PRELID2: variants seen among roughly 807,000 people sequenced by gnomAD.
The protein encoded by PRELID2 is PRELI domain containing 2.
A neutral mutation model predicts 28.4 loss-of-function variants in PRELID2; 25 were observed. The ratio of observed to expected loss-of-function variants is 0.88; its 90% CI spans 0.64 to 1.23. The LOEUF is 1.23. PRELID2 is among the 50% of genes most tolerant of loss of function. The pLI, the probability that PRELID2 is intolerant of heterozygous loss-of-function variation, is 0.00. For synonymous variants in PRELID2, 76 were observed against 71.6 expected, an observed-to-expected ratio of 1.06 and a Z score of -0.31; for missense variants, 201 against 214.4, an observed-to-expected ratio of 0.94 and a Z score of 0.39.
At chr5:145,720,620 G>C (rs1452802920) in intron 1 of PRELID2, among the ~76,000 whole-genome samples, 2 of 151,950 alleles carry the variant, frequency 1.3e-5, no homozygotes, top group Non-Finnish European at 2.9e-5. Flanking sequence ...ACTACTAAAG[G>C]ACTAGTTTCA....
chr5:145,530,138 G>A (rs1227789266), intron 1 of PRELID2, among the ~76,000 whole-genome samples: 2 of 152,126 alleles, frequency 1.3e-5, no homozygotes, highest in Non-Finnish European at 1.5e-5. Context: ...CATACAGCAA[G>A]TGAGTAACTC....
At chr5:145,375,149 C>A in the PRELID2 span, among the ~76,000 whole-genome samples, 2 of 152,032 alleles carry the variant, frequency 1.3e-5, no homozygotes, top group African/African-American at 4.8e-5. Flanking sequence ...GATGCTGACC[C>A]TTGAATGCAG....
chr5:145,389,756 T>C, the PRELID2 span, among the ~76,000 whole-genome samples: 3 of 152,198 alleles, frequency 2.0e-5, no homozygotes, highest in Non-Finnish European at 4.4e-5. Flanking sequence ...ACTTTGTCTC[T>C]GAAATTTAAA....
At chr5:145,521,724 G>A (rs1054640215) in intron 1 of PRELID2, among the ~76,000 whole-genome samples, 1 of 152,108 alleles carries the variant, frequency 6.6e-6, no homozygotes, top group African/African-American at 2.4e-5. Context: ...GCACTGTGTA[G>A]GGCAGAGAAA....
intron 1 of PRELID2, among the ~76,000 whole-genome samples, chr5:145,535,721 T>C (rs549563791): frequency 3.3e-5 from 5 of 152,028 alleles, no homozygotes; most frequent in African/African-American, 9.6e-5. Context: ...AAGAAGATCT[T>C]GCTCTAAAGA....
intron 1 of PRELID2, among the ~76,000 whole-genome samples, chr5:145,494,170 A>G (rs1468214015): frequency 6.6e-6 from 1 of 152,202 alleles, no homozygotes; most frequent in East Asian, 1.9e-4. Flanking sequence ...ATGTCCTAAC[A>G]TTAGCAGATG....
the PRELID2 span, among the ~76,000 whole-genome samples, chr5:145,357,126 T>C: frequency 1.3e-5 from 2 of 152,194 alleles, no homozygotes; most frequent in Non-Finnish European, 2.9e-5. Context: ...CTGATGGGGT[T>C]CCCTTTGTAG....
At chr5:145,795,200 T>C (rs1315737114) in intron 5 of PRELID2, 3 of 152,156 alleles carry the variant, frequency 2.0e-5, no homozygotes, top group Non-Finnish European at 2.9e-5. Flanking sequence ...ATTTTTAGAA[T>C]GCAATGCTGC....
chr5:145,713,577 C>T (rs1267940240), intron 1 of PRELID2, among the ~76,000 whole-genome samples: 1 of 134,746 alleles, frequency 7.4e-6, no homozygotes, highest in East Asian at 2.1e-4. Context: ...TATATATATA[C>T]ACTAAAGTAT....
chr5:145,427,545 C>T, the PRELID2 span, among the ~76,000 whole-genome samples: 12 of 152,252 alleles, frequency 7.9e-5, no homozygotes, highest in Admixed American at 5.9e-4. Flanking sequence ...GAGAGAGATT[C>T]GCTTATTCAA....
chr5:145,804,566 T>C (rs1307022515), intron 4 of PRELID2, among the ~76,000 whole-genome samples: 1 of 152,174 alleles, frequency 6.6e-6, no homozygotes, highest in Admixed American at 6.5e-5. Flanking sequence ...CATAGCCTAT[T>C]GTGGTAAAGC....
intron 1 of PRELID2, among the ~76,000 whole-genome samples, chr5:145,517,257 C>A (rs1035740527): frequency 4.6e-5 from 7 of 151,704 alleles, no homozygotes; most frequent in Non-Finnish European, 8.8e-5. Context: ...GGGCTAATAT[C>A]CAGAATCTAC....
At chr5:145,366,185 G>A in the PRELID2 span, among the ~76,000 whole-genome samples, 2 of 151,808 alleles carry the variant, frequency 1.3e-5, no homozygotes, top group African/African-American at 4.8e-5. Context: ...CAAGGTTTTG[G>A]TGATGTTCTC....
chr5:145,420,046 T>A, the PRELID2 span, among the ~76,000 whole-genome samples: 4 of 152,096 alleles, frequency 2.6e-5, no homozygotes. Flanking sequence ...GTTGTAGATA[T>A]GCGGCATTAT....
At chr5:145,243,938 T>G in the PRELID2 span, among the ~76,000 whole-genome samples, 1 of 152,018 alleles carries the variant, frequency 6.6e-6, no homozygotes, top group East Asian at 1.9e-4. Context: ...AGTTTCTTGT[T>G]TGTTTGTTTA....
chr5:145,713,242 T>G (rs1755743277), intron 1 of PRELID2, among the ~76,000 whole-genome samples: 1 of 150,724 alleles, frequency 6.6e-6, no homozygotes, highest in African/African-American at 2.4e-5. Context: ...ACATTATAGT[T>G]AAACTACTAA....
chr5:145,331,244 T>C, the PRELID2 span, among the ~76,000 whole-genome samples: 1 of 152,202 alleles, frequency 6.6e-6, no homozygotes, highest in Non-Finnish European at 1.5e-5. Context: ...GAAAAATGTA[T>C]ATTCTGTTGA....
chr5:145,415,942 G>A, the PRELID2 span, among the ~76,000 whole-genome samples: 1 of 152,092 alleles, frequency 6.6e-6, no homozygotes, highest in African/African-American at 2.4e-5. Context: ...TCCAGCATCT[G>A]TTGTTTCCTG....
At chr5:145,338,618 TA>T in the PRELID2 span, among the ~76,000 whole-genome samples, 1 of 152,238 alleles carries the variant, frequency 6.6e-6, no homozygotes, top group Admixed American at 6.5e-5. Flanking sequence ...GGTAGATATA[TA>T]TTTTTAAAGA....
Sources: allele counts gnomAD v4.1 joint callset (sites outside exome capture counted in the v4.1 genomes callset), GRCh38; gene constraint gnomAD v4.1.1; transcripts MANE v1.5; gene names NCBI Gene and HGNC (gene_info 2026-07-23, HGNC 2026-07-21).